Variants in GAK observed in about 807,000 individuals in gnomAD.
GAK encodes the protein cyclin-G-associated kinase.
GAK carries 79 observed loss-of-function variants against 143.9 expected under a neutral mutation model. The ratio of observed to expected loss-of-function variants is 0.55; its 90% CI spans 0.46 to 0.66. The LOEUF (loss-of-function observed/expected upper bound fraction) is 0.66. Among genes scored for constraint, GAK ranks in the 30% least tolerant of loss-of-function variants. The pLI, the probability that GAK is intolerant of heterozygous loss-of-function variation, is 0.00. For synonymous variants in GAK, 881 were observed against 765.5 expected (o/e 1.15, Z -2.49); for missense variants, 1,693 against 1,779.7 (o/e 0.95, Z 0.88).
chr4:859,767 G>T, intron 23 of GAK, 45 bp from the exon 24 acceptor site: 1 of 1,377,616 alleles, frequency 7.3e-7, no homozygotes, highest in Non-Finnish European at 1.0e-6. Context: ...CATCTGAAGC[G>T]AAACACATCC....
chr4:901,792 T>C (rs1338211371), intron 5 of GAK, among the ~76,000 whole-genome samples: 3 of 152,164 alleles, frequency 2.0e-5, no homozygotes, highest in Admixed American at 6.5e-5. Context: ...CAGGGCATCC[T>C]CCACAAGCCG....
rs1342071212 is a variant in GAK at position 866,407 on chromosome 4, G to C, written c.3000C>G (p.His1000Gln). Residue 1000 changes from histidine to glutamine, a missense_variant, in exon 22 of 28, where the codon CAC (histidine) becomes CAG (glutamine). Around this residue, in one of 2 missense-constraint regions of GAK, gnomAD observed 822 missense variants for 788.7 expected, o/e 1.04. Transcript: ENST00000314167. ...CGCTGCAGGATGGGGGCGGAGCACT[G>C]TGGGCAGACGGGAAGGATGGTGGGA... is the stretch of plus-strand genomic sequence containing the variant. ...VTVPPSFPSA[H>Q]SAPPPSCSAD... 6.2e-7 allele frequency: 1 copy of C among 1,613,982 alleles called. No individual in the cohort carries two copies. The highest frequency in any genetic ancestry group is 8.5e-7 in the Non-Finnish European group (1 of 1,179,964).
chr4:866,493 A>G lies in GAK; in HGVS notation c.2914T>C (p.Ser972Pro). Residue 972 changes from serine (S) to proline (P), a missense_variant, in exon 22 of 28, where the codon TCC becomes CCC. This residue lies in a region of GAK where 822 missense variants were observed against 788.7 expected (regional missense o/e 1.04). Transcript: ENST00000314167. ...GPLLPSSGNN[S>P]QPCSNPDLFG... ...AGATCAGGATTGGAGCAGGGCTGGG[A>G]GTTGTTGCCTGAAGACGGCAGAAGC... 6.2e-7 allele frequency: 1 copy of G among 1,613,944 alleles called. No homozygotes were observed. Among genetic ancestry groups the G allele is most frequent in the Non-Finnish European group, 8.5e-7 (1 of 1,179,940 alleles).
chr4:908,672 C>T (rs1366929410), intron 4 of GAK, among the ~76,000 whole-genome samples: 2 of 152,104 alleles, frequency 1.3e-5, no homozygotes, highest in East Asian at 3.9e-4. Context: ...CCTGAAGTCC[C>T]AGCTACTCCA....
At chr4:896,416 G>T (rs755811618) in intron 7 of GAK, 44 bp downstream of exon 7, 2 of 1,535,656 alleles carry the variant, frequency 1.3e-6, no homozygotes, top group Admixed American at 1.7e-5. Context: ...GTTAAGTAGG[G>T]CGCACGGAGC....
At chr4:868,777 C>A (rs1435314939) in intron 19 of GAK, 92 bp from the exon 20 acceptor site, 2 of 1,359,258 alleles carry the variant, frequency 1.5e-6, no homozygotes, top group East Asian at 5.1e-5. Flanking sequence ...GCCAGGCGGG[C>A]GCCAGCACCG....
intron 4 of GAK, among the ~76,000 whole-genome samples, chr4:909,400 C>T (rs1020918192): frequency 5.3e-5 from 8 of 152,266 alleles, no homozygotes; most frequent in South Asian, 4.1e-4. Context: ...ACACCTCAAC[C>T]GAACACACAC....
At chr4:885,328 C>A (rs1167861650) in intron 11 of GAK, among the ~76,000 whole-genome samples, 2 of 152,176 alleles carry the variant, frequency 1.3e-5, no homozygotes, top group Non-Finnish European at 2.9e-5. Context: ...GTAATCTCAG[C>A]ACTTTGGGAG....
chr4:890,714 G>T (rs1354852473), intron 9 of GAK, 92 bp from the exon 10 acceptor site: 5 of 992,786 alleles, frequency 5.0e-6, no homozygotes, highest in Non-Finnish European at 7.6e-6. Context: ...TGCCCTCAGA[G>T]CCCATCCTTC....
intron 18 of GAK, among the ~76,000 whole-genome samples, chr4:873,965 G>A (rs1713261176): frequency 6.6e-6 from 1 of 152,128 alleles, no homozygotes; most frequent in Non-Finnish European, 1.5e-5. Flanking sequence ...GGGTTTGTTT[G>A]TTTATCTCTA....
Position 882,038 on chromosome 4 carries a change from G to A in GAK, c.1530C>T (p.Asp510=), listed in dbSNP as rs756270960. The A allele has an allele frequency of 6.9e-6, 11 of 1,602,728 alleles. No homozygotes were observed. Among genetic ancestry groups the A allele is most frequent in the East Asian group, 4.5e-5 (2 of 44,492 alleles). The change falls in exon 15 of 28, where the codon GAC becomes GAT. Residue 510 remains aspartate (D), a splice_region_variant and synonymous_variant. Coordinates refer to ENST00000314167, the MANE Select transcript of GAK (RefSeq NM_005255.4). The part of the protein sequence containing the change: ...HKNVCVVHCM[D]GRAASAVAVC... ...CGGCCACAGCAGACGCGGCTCTCCC[G>A]TCCTAGGACAGACAGACACGTCTCG...
At chr4:873,391 G>A (rs945525524) in intron 18 of GAK, among the ~76,000 whole-genome samples, 1 of 152,082 alleles carries the variant, frequency 6.6e-6, no homozygotes, top group Non-Finnish European at 1.5e-5. Context: ...CTTGCTGTAT[G>A]ACCCAACGTG....
intron 5 of GAK, among the ~76,000 whole-genome samples, chr4:899,876 A>G (rs1268947884): frequency 6.6e-6 from 1 of 152,232 alleles, no homozygotes; most frequent in Non-Finnish European, 1.5e-5. Context: ...CATGCCACCC[A>G]TGGCCGACCA....
At chr4:888,652 G>C (rs1286862742) in intron 11 of GAK, 195 bp downstream of exon 11, 1 of 635,698 alleles carries the variant, frequency 1.6e-6, no homozygotes, top group African/African-American at 1.9e-5. Context: ...TGAAAGGAAA[G>C]GGATCTGCCT....
intron 1 of GAK, among the ~76,000 whole-genome samples, chr4:914,447 AC>A (rs1560428988): frequency 2.0e-4 from 7 of 34,912 alleles, no homozygotes; most frequent in Admixed American, 4.2e-4. Context: ...CACGGCCCCC[AC>A]ACACACAGCC....
chr4:877,015 G>A, intron 17 of GAK, 75 bp downstream of exon 17: 1 of 1,004,452 alleles, frequency 1.0e-6, no homozygotes, highest in African/African-American at 1.6e-5. Context: ...TGAGAAGTGA[G>A]CGCACTGTGG....
chr4:890,791 C>CTG (rs1717487961), intron 9 of GAK, among the ~76,000 whole-genome samples, 169 bp from the exon 10 acceptor site: 1 of 152,316 alleles, frequency 6.6e-6, no homozygotes, highest in Admixed American at 6.5e-5. Context: ...AGCTGGAACT[C>CTG]AACAAACGCA....
chr4:891,413 C>T (rs74282750), intron 9 of GAK, among the ~76,000 whole-genome samples: 6,530 of 152,224 alleles, frequency 0.043, 166 homozygotes, highest in East Asian at 0.095. Flanking sequence ...TGTTCCATCA[C>T]TTCAGCTCCT....
At chr4:886,412 C>CT (rs1716337540) in intron 11 of GAK, 1 of 152,252 alleles carries the variant, frequency 6.6e-6, no homozygotes. Flanking sequence ...ATCCCCACAG[C>CT]TGCTGGGGAG....
Sources: gnomAD v4.1 joint callset for allele counts (sites outside exome capture counted in the v4.1 genomes callset) on GRCh38, gnomAD v4.1.1 for gene constraint, gnomAD v4.1.1 regional missense constraint, MANE v1.5 for transcripts, NCBI Gene and HGNC (gene_info 2026-07-23, HGNC 2026-07-21) for gene names.